The following ANK2 variants were observed in gnomAD, a reference collection of about 807,000 sequenced individuals.
The protein encoded by ANK2 is ankyrin-2.
A neutral mutation model predicts 360.5 loss-of-function variants in ANK2; 83 were observed. The ratio of observed to expected loss-of-function variants is 0.23; its 90% CI spans 0.19 to 0.28. The LOEUF (loss-of-function observed/expected upper bound fraction) is 0.28. Ranked by LOEUF, ANK2 falls within the 10% of genes least tolerant of loss-of-function variation. The pLI, the probability that ANK2 is intolerant of heterozygous loss-of-function variation, is 1.00. For missense variants in ANK2, 4,201 were observed against 4,795.7 expected (o/e 0.88, Z 3.66); for synonymous variants, 1,740 against 1,759.5 (o/e 0.99, Z 0.28).
intron 5 of ANK2, among the ~76,000 whole-genome samples, chr4:113,236,123 T>C (rs1374805939): frequency 6.6e-6 from 1 of 152,074 alleles, no homozygotes; most frequent in Non-Finnish European, 1.5e-5. Flanking sequence ...GTTTTCCAAC[T>C]TTTGTGGATT....
the ANK2 span, among the ~76,000 whole-genome samples, chr4:112,742,408 G>A: frequency 2.6e-5 from 4 of 152,082 alleles, no homozygotes; most frequent in African/African-American, 9.7e-5. Flanking sequence ...GTGTGTGTGT[G>A]TGTGTGTGTG....
chr4:113,373,800 C>T (rs1009197751), intron 45 of ANK2, among the ~76,000 whole-genome samples: 4 of 152,158 alleles, frequency 2.6e-5, no homozygotes, highest in Admixed American at 1.3e-4. Flanking sequence ...CGTGTAGAAA[C>T]GCACTGTGGT....
intron 41 of ANK2, among the ~76,000 whole-genome samples, chr4:113,366,073 A>C (rs905038539): frequency 2.0e-5 from 3 of 152,204 alleles, no homozygotes; most frequent in African/African-American, 7.2e-5. Flanking sequence ...CTTTAAAAAC[A>C]AAACAAAGCA....
At chr4:112,828,729 A>T (rs1271326761) in intron 1 of ANK2, among the ~76,000 whole-genome samples, 1 of 152,260 alleles carries the variant, frequency 6.6e-6, no homozygotes, top group African/African-American at 2.4e-5. Flanking sequence ...CTATTAACAG[A>T]GTAAACAGAC....
In ANK2 at chr4:113,154,771, C is replaced by T. The variant is rs575962890; in HGVS notation, c.85-19645C>T. On this transcript the variant is annotated intron_variant, in intron 1 of 45. Coordinates refer to ENST00000357077, the MANE Select transcript of ANK2 (RefSeq NM_001148.6). ...AGTCTTTCCTTTGGTATTGATTTGT[C>T]GTACCCACCAATCAATTCTTTAAAG... is the stretch of plus-strand genomic sequence containing the variant. Among the ~76,000 whole-genome samples, 5 of 152,174 alleles carry T rather than the reference C, an allele frequency of 3.3e-5. No homozygotes were observed. In the South Asian group the frequency reaches 8.3e-4, roughly 25 times the overall value.
At position 113,363,388 on chromosome 4, in the gene ANK2, A is replaced by T. The variant is rs1057521529; in HGVS notation, c.10807A>T (p.Ile3603Phe). ...FTEEQIHQIR[I>F]ENPNSLQDQS... Reference sequence around the variant, plus strand: ...TGAGGAGCAAATTCATCAAATTCGAATTGAAAATCCCAACTCTCTTCAAGA... The same window carrying T: ...TGAGGAGCAAATTCATCAAATTCGATTTGAAAATCCCAACTCTCTTCAAGA... Residue 3603 changes from isoleucine (I) to phenylalanine (F), a missense_variant, in exon 40 of 46, where the codon ATT becomes TTT. Around this residue, in one of 4 missense-constraint regions of ANK2, gnomAD observed 2,642 missense variants for 2,714.5 expected, o/e 0.97. Coordinates refer to ENST00000357077, the MANE Select transcript of ANK2 (RefSeq NM_001148.6). The T allele has an allele frequency of 6.2e-7, 1 of 1,613,524 alleles. No individual in the cohort carries two copies. The highest frequency in any genetic ancestry group is 1.1e-5 in the South Asian group (1 of 91,080).
intron 8 of ANK2, among the ~76,000 whole-genome samples, chr4:113,241,443 T>C (rs2039841175): frequency 1.3e-5 from 2 of 152,184 alleles, no homozygotes; most frequent in South Asian, 4.2e-4. Flanking sequence ...GCTCAAGCAA[T>C]CCTCCTGGCT....
chr4:112,970,339 T>C (rs1424023211), intron 2 of ANK2, among the ~76,000 whole-genome samples: 6 of 151,758 alleles, frequency 4.0e-5, no homozygotes, highest in Non-Finnish European at 8.8e-5. Flanking sequence ...TGTAATTTCA[T>C]TTTAACTAAT....
intron 1 of ANK2, among the ~76,000 whole-genome samples, chr4:113,074,955 A>T (rs1229877776): frequency 6.6e-6 from 1 of 152,230 alleles, no homozygotes; most frequent in African/African-American, 2.4e-5. Context: ...GGCAAAATAG[A>T]CATAGATTTA....
Position 113,359,329 on chromosome 4 carries a change from C to T in ANK2, c.10681+30C>T, listed in dbSNP as rs773040793. 12 of 1,611,456 alleles carry T rather than the reference C, an allele frequency of 7.4e-6. No homozygotes were observed. In the Admixed American group the frequency reaches 2.0e-4, roughly 27 times the overall value. ...TTGCCAGCCACCGGGATTCCCTGTG[C>T]TACGCATGTCATAAAATTGATATAG... On this transcript the variant is annotated intron_variant, in intron 38 of 45. Coordinates refer to ENST00000357077, the MANE Select transcript of ANK2 (RefSeq NM_001148.6).
intron 40 of ANK2, 114 bp from the exon 41 acceptor site, chr4:113,364,925 G>T (rs2096448325): frequency 1.5e-6 from 2 of 1,323,208 alleles, no homozygotes; most frequent in Middle Eastern, 1.9e-4. Context: ...TTTTAATTAG[G>T]CTTTGATTGT....
At chr4:113,238,672 A>G (rs1027611815) in intron 7 of ANK2, among the ~76,000 whole-genome samples, 12 of 152,348 alleles carry the variant, frequency 7.9e-5, no homozygotes, top group African/African-American at 2.9e-4. Context: ...TTGTGAAAGC[A>G]GAAGTTTGGG....
chr4:113,145,734 G>T (rs1313270474), intron 1 of ANK2: 1 of 1,166,756 alleles, frequency 8.6e-7, no homozygotes, highest in Non-Finnish European at 1.1e-6. Context: ...ACTGGTGAGG[G>T]GCGTGGAAGG....
rs74756676 is a variant in ANK2 at position 112,991,430 on chromosome 4, A to G, written c.21+86916A>G. Among the ~76,000 whole-genome samples, 1,059 of 152,190 alleles carry G rather than the reference A, an allele frequency of 7.0e-3. 5 individuals are homozygous for G. The highest frequency in any genetic ancestry group is 0.01 in the Middle Eastern group (3 of 294). Reference sequence around the variant, plus strand: ...CCACAGATAGGGTGGCTTAAAACCCAGAAATTTATTTAATTCAAACTGGCA... The same window carrying G: ...CCACAGATAGGGTGGCTTAAAACCCGGAAATTTATTTAATTCAAACTGGCA... On this transcript the variant is annotated intron_variant, in intron 2 of 30. Coordinates refer to the ANK2 transcript ENST00000503271.
chr4:112,850,315 A>G lies in ANK2; in HGVS notation c.-40+32051A>G, dbSNP rs1343964593. 3.0e-5 allele frequency among the ~76,000 whole-genome samples: 4 copies of G among 132,786 alleles called. No individual in the cohort carries two copies. The Admixed American group carries it at 3.0e-4, about 10-fold the overall frequency. 87.1% of individuals were successfully genotyped at this position (132,786 alleles called of 152,430 possible). On this transcript the variant is annotated intron_variant, in intron 1 of 30. Transcript: ENST00000503271. ...ATCTATCTATCTAATTTGTTCATCC[A>G]TCCATCCATTCATCTGTCCATCCAT... is the stretch of plus-strand genomic sequence containing the variant.
intron 2 of ANK2, among the ~76,000 whole-genome samples, chr4:113,026,914 G>A (rs1203592557): frequency 6.6e-6 from 1 of 152,140 alleles, no homozygotes; most frequent in Non-Finnish European, 1.5e-5. Flanking sequence ...TGGGATGGAA[G>A]CCAGACTGGA....
chr4:113,049,509 C>A, upstream of ANK2: 1 of 821,444 alleles, frequency 1.2e-6, no homozygotes, highest in South Asian at 1.8e-5. Context: ...GTAACCGGTT[C>A]CTGATGGTAA....
chr4:113,019,534 GT>G (rs1467780940), intron 2 of ANK2, among the ~76,000 whole-genome samples: 3 of 152,086 alleles, frequency 2.0e-5, no homozygotes, highest in African/African-American at 4.8e-5. Flanking sequence ...GTTTGTATTA[GT>G]TTTTAGATAT....
At chr4:113,311,782 GC>G (rs1433563545) in intron 24 of ANK2, among the ~76,000 whole-genome samples, 1 of 152,082 alleles carries the variant, frequency 6.6e-6, no homozygotes, top group Non-Finnish European at 1.5e-5. Flanking sequence ...ATACTCTTCT[GC>G]CCCCACTTTT....
Sources: gnomAD v4.1 joint callset for allele counts (sites outside exome capture counted in the v4.1 genomes callset) on GRCh38, gnomAD v4.1.1 for gene constraint, gnomAD v4.1.1 regional missense constraint, MANE v1.5 for transcripts, NCBI Gene and HGNC (gene_info 2026-07-23, HGNC 2026-07-21) for gene names.